Variants in PI15 observed in about 807,000 individuals in gnomAD.
The protein encoded by PI15 is 25 kDa trypsin inhibitor.
A neutral mutation model predicts 31.0 loss-of-function variants in PI15; 18 were observed. The observed-to-expected ratio is 0.58, with a 90% confidence interval of 0.40 to 0.86. PI15 has a LOEUF of 0.86. Ranked by LOEUF, PI15 falls within the 40% of genes least tolerant of loss-of-function variation. The probability of loss-of-function intolerance (pLI) is 0.00; values close to 1 mark genes in which losing one functional copy is unlikely to be tolerated. For missense variants in PI15, 282 were observed against 328.1 expected, an observed-to-expected ratio of 0.86 and a Z score of 1.09; for synonymous variants, 118 against 119.1, an observed-to-expected ratio of 0.99 and a Z score of 0.06.
At chr8:74,849,052 A>T in intron 5 of PI15, 66 bp from the exon 6 acceptor site, 8 of 1,428,154 alleles carry the variant, frequency 5.6e-6, no homozygotes, top group Non-Finnish European at 7.8e-6. Flanking sequence ...ATATGGCTTA[A>T]GGACAATCTA....
chr8:74,825,663 G>T, intron 2 of PI15, 141 bp downstream of exon 2: 2 of 674,356 alleles, frequency 3.0e-6, no homozygotes, highest in South Asian at 4.0e-5. Context: ...AGGTTCTTAT[G>T]TGCCTAATAA....
At position 74,852,893 on chromosome 8, in the gene PI15, C is replaced by A. The variant is rs1811127689; in HGVS notation, c.*3640C>A. ...CCAGGCTCTGCAGTATCGAAGGATG[C>A]AAATGTTGACATAGATGGAAGCTCT... is the stretch of plus-strand genomic sequence containing the variant. On this transcript the variant is annotated 3_prime_UTR_variant, in exon 6 of 6. Coordinates refer to ENST00000260113, the MANE Select transcript of PI15 (RefSeq NM_015886.5). The A allele has an allele frequency of 6.6e-6, 1 of 152,002 alleles. No homozygotes were observed. The highest frequency in any genetic ancestry group is 6.6e-5 in the Admixed American group (1 of 15,248). 9.4% of individuals were successfully genotyped at this position (152,002 alleles called of 1,614,324 possible).
chr8:74,828,592 T>G (rs909689236), intron 2 of PI15, among the ~76,000 whole-genome samples: 7 of 152,232 alleles, frequency 4.6e-5, no homozygotes, highest in Middle Eastern at 6.8e-3. Context: ...AACATTGATT[T>G]GGATTGTGAG....
rs914075536 is a variant in PI15, at chr8:74,853,366, C to T, written c.*4113C>T. The T allele has an allele frequency of 2.0e-5, 3 of 152,482 alleles. No homozygotes were observed. The highest frequency in any genetic ancestry group is 7.2e-5 in the African/African-American group (3 of 41,430). The allele number at this position is 152,482 out of a possible 1,614,324, so 9.4% of individuals were successfully genotyped here. ...CATTTGATTCCTGATTCAGAAATAT[C>T]AATAAAATCCTATGTTAAATTAATC... On this transcript the variant is annotated 3_prime_UTR_variant, in exon 6 of 6. Transcript: ENST00000260113.
Position 74,825,531 on chromosome 8 carries a change from A to T in PI15, c.273+9A>T. On this transcript the variant is annotated intron_variant, in intron 2 of 5. Coordinates refer to ENST00000260113, the MANE Select transcript of PI15 (RefSeq NM_015886.5). ...CAAATATGGAATATATGGTAAGAAGAATTCTTTTTTTTTTTTTTAAGTTCT... is the reference window on the plus strand; with the variant it reads ...CAAATATGGAATATATGGTAAGAAGTATTCTTTTTTTTTTTTTTAAGTTCT... 1 of 1,574,362 alleles carries T rather than the reference A, an allele frequency of 6.4e-7. No homozygotes were observed. Among genetic ancestry groups the T allele is most frequent in the Non-Finnish European group, 8.6e-7 (1 of 1,161,630 alleles).
chr8:74,829,819 G>A (rs550167466), intron 2 of PI15, among the ~76,000 whole-genome samples: 2 of 152,222 alleles, frequency 1.3e-5, no homozygotes, highest in African/African-American at 4.8e-5. Flanking sequence ...CTTGGAGGAG[G>A]AGCATGTGAA....
chr8:74,844,896 C>T (rs1207875698), intron 3 of PI15: 1 of 482,290 alleles, frequency 2.1e-6, no homozygotes, highest in Non-Finnish European at 3.7e-6. Context: ...TGACCAGACA[C>T]ATGTTTAGAC....
At chr8:74,834,302 TCTTC>T in intron 2 of PI15, among the ~76,000 whole-genome samples, 1 of 152,204 alleles carries the variant, frequency 6.6e-6, no homozygotes, top group Admixed American at 6.5e-5. Context: ...AGAAAGAATT[TCTTC>T]ATGTGGAATC....
intron 5 of PI15, among the ~76,000 whole-genome samples, chr8:74,847,573 T>C (rs781409018): frequency 1.4e-4 from 22 of 152,150 alleles, no homozygotes; most frequent in Admixed American, 5.2e-4. Flanking sequence ...TGTGATGGTA[T>C]CAAAATTATG....
At chr8:74,825,866 A>G (rs529534446) in intron 2 of PI15, among the ~76,000 whole-genome samples, 1 of 152,250 alleles carries the variant, frequency 6.6e-6, no homozygotes, top group South Asian at 2.1e-4. Context: ...CCACTTTAAA[A>G]AAAGTCACAT....
chr8:74,830,596 T>C (rs573068256), intron 2 of PI15, among the ~76,000 whole-genome samples: 291 of 152,264 alleles, frequency 1.9e-3, no homozygotes, highest in African/African-American at 6.2e-3. Flanking sequence ...TTTTGTTTGT[T>C]TGGGCTTCAT....
intron 2 of PI15, 77 bp downstream of exon 2, chr8:74,825,599 G>A (rs1810687371): frequency 1.7e-6 from 2 of 1,184,788 alleles, no homozygotes; most frequent in Non-Finnish European, 1.2e-6. Flanking sequence ...AATCTCAAAC[G>A]ACCACGAGTG....
intron 2 of PI15, among the ~76,000 whole-genome samples, chr8:74,832,240 T>C (rs1362563313): frequency 6.6e-6 from 1 of 152,142 alleles, no homozygotes; most frequent in Non-Finnish European, 1.5e-5. Context: ...CAAGGACAAT[T>C]AAGTTTCTCT....
intron 5 of PI15, among the ~76,000 whole-genome samples, 170 bp from the exon 6 acceptor site, chr8:74,848,948 A>G (rs1048077055): frequency 2.6e-5 from 4 of 152,106 alleles, no homozygotes; most frequent in African/African-American, 9.7e-5. Context: ...GATATACAGA[A>G]TAAGTTACTA....
chr8:74,844,497 G>C (rs1208696757), intron 3 of PI15, among the ~76,000 whole-genome samples: 1 of 150,548 alleles, frequency 6.6e-6, no homozygotes, highest in Non-Finnish European at 1.5e-5. Flanking sequence ...CTTTCCCAAA[G>C]TTGCATATAC....
intron 2 of PI15, among the ~76,000 whole-genome samples, chr8:74,839,228 G>T (rs1586955670): frequency 6.6e-6 from 1 of 152,158 alleles, no homozygotes; most frequent in East Asian, 1.9e-4. Context: ...GTGCTTCGCA[G>T]GCAAGGTACT....
rs763343972 is a variant in PI15, at chr8:74,825,533, T to C, written c.273+11T>C. 6.4e-7 allele frequency: 1 copy of C among 1,565,658 alleles called. No homozygotes were observed. The highest frequency in any genetic ancestry group is 8.6e-7 in the Non-Finnish European group (1 of 1,159,142). ...AATATGGAATATATGGTAAGAAGAA[T>C]TCTTTTTTTTTTTTTTAAGTTCTGA... On this transcript the variant is annotated intron_variant, in intron 2 of 5. Coordinates refer to ENST00000260113, the MANE Select transcript of PI15 (RefSeq NM_015886.5).
intron 5 of PI15, among the ~76,000 whole-genome samples, chr8:74,848,835 G>T (rs555262198): frequency 1.3e-5 from 2 of 150,336 alleles, no homozygotes; most frequent in Non-Finnish European, 3.0e-5. Context: ...CTGGGTTCAC[G>T]CCATTCTTCT....
chr8:74,836,145 T>G (rs1186579531), intron 2 of PI15, among the ~76,000 whole-genome samples: 2 of 152,202 alleles, frequency 1.3e-5, no homozygotes, highest in Non-Finnish European at 2.9e-5. Flanking sequence ...AAACTTTTTC[T>G]GTAAAGGGCC....
Sources: allele counts gnomAD v4.1 joint callset (sites outside exome capture counted in the v4.1 genomes callset), GRCh38; gene constraint gnomAD v4.1.1; transcripts MANE v1.5; gene names NCBI Gene and HGNC (gene_info 2026-07-23, HGNC 2026-07-21).